Variants in GDPD3 observed in about 807,000 individuals in gnomAD.
The protein encoded by GDPD3 is lysophospholipase D GDPD3.
A neutral mutation model predicts 43.7 loss-of-function variants in GDPD3; 40 were observed. The observed-to-expected ratio is 0.91, with a 90% CI of 0.71 to 1.19. GDPD3 has a LOEUF of 1.19. Ranked by LOEUF, GDPD3 falls within the 50% of genes most tolerant of loss-of-function variation. The pLI is 0.00. For synonymous variants in GDPD3, 145 were observed against 162.9 expected, an observed-to-expected ratio of 0.89 and a Z score of 0.84; for missense variants, 363 against 415.8, an observed-to-expected ratio of 0.87 and a Z score of 1.11.
chr16:30,111,336 CG>C, intron 7 of GDPD3, 51 bp downstream of exon 7: 1 of 1,590,922 alleles, frequency 6.3e-7, no homozygotes, highest in Non-Finnish European at 8.6e-7. Flanking sequence ...TCCTTCTCCA[CG>C]GAGACCCTAA....
In GDPD3 at chr16:30,112,201, G is replaced by T. The variant is rs768605169; in HGVS notation, c.504C>A (p.Arg168=). 6.2e-7 allele frequency: 1 copy of T among 1,614,118 alleles called. No individual in the cohort carries two copies. The highest frequency in any genetic ancestry group is 1.3e-5 in the African/African-American group (1 of 75,006). The change falls in exon 6 of 10, where the codon CGC becomes CGA. Residue 168 remains arginine (R), a synonymous_variant. Transcript: ENST00000406256. The surrounding 1 kb of genome is among the most constrained non-coding windows in gnomAD (Gnocchi z 5.4). ...LIREIAGLVR[R]YDRNEITIWA... is the part of the protein sequence containing the mutation. Reference sequence around the variant, plus strand: ...AGATGGTGATTTCATTACGGTCATAGCGTCTCACCAAGCCTGCTATCTGGG... The same window carrying T: ...AGATGGTGATTTCATTACGGTCATATCGTCTCACCAAGCCTGCTATCTGGG...
intron 7 of GDPD3, among the ~76,000 whole-genome samples, chr16:30,110,031 G>C (rs980311206): frequency 1.3e-5 from 2 of 152,130 alleles, no homozygotes; most frequent in African/African-American, 4.8e-5. Flanking sequence ...GCAAATTACA[G>C]AACCTCTCTG....
chr16:30,108,021 G>A, intron 9 of GDPD3, 192 bp downstream of exon 9: 1 of 528,126 alleles, frequency 1.9e-6, no homozygotes, highest in East Asian at 3.2e-5. Context: ...ACACACAGAA[G>A]AAGAAAATTG....
At position 30,112,972 on chromosome 16, in the gene GDPD3, C is replaced by T. The variant is rs781462726; in HGVS notation, c.182+50G>A. On this transcript the variant is annotated intron_variant, in intron 2 of 9. Coordinates refer to ENST00000406256, the MANE Select transcript of GDPD3 (RefSeq NM_024307.3). This position sits in a 1 kb window ranked among gnomAD's most constrained non-coding sequence, Gnocchi z 5.4. Reference sequence around the variant, plus strand: ...GCGTCCCTTGCTGTGATGCAGTCCACGACCTGCACACCCTCACATGGCAGC... The same window carrying T: ...GCGTCCCTTGCTGTGATGCAGTCCATGACCTGCACACCCTCACATGGCAGC... The T allele has an allele frequency of 1.9e-5, 30 of 1,569,102 alleles. No homozygotes were observed. Among genetic ancestry groups the T allele is most frequent in the East Asian group, 4.5e-5 (2 of 44,600 alleles).
At chr16:30,111,975 G>C (rs1302167346) in intron 6 of GDPD3, 157 bp downstream of exon 6, 19 of 619,844 alleles carry the variant, frequency 3.1e-5, no homozygotes, top group Non-Finnish European at 4.9e-5. Context: ...CTCTGTGTTC[G>C]AGGCCTGAGT....
At position 30,111,378 on chromosome 16, in the gene GDPD3, C is replaced by G. The variant is rs200414967; in HGVS notation, c.707+10G>C. On this transcript the variant is annotated intron_variant, in intron 7 of 9. Transcript: ENST00000406256. ...GGGGAGTTTTTCTGAGGTCCGCCCC[C>G]CACTGGTACCTGTTGATGATGTTGG... 10 of 1,613,508 alleles carry G rather than the reference C, an allele frequency of 6.2e-6. No homozygotes were observed. The East Asian group carries it at 6.7e-5, about 11-fold the overall frequency.
intron 7 of GDPD3, among the ~76,000 whole-genome samples, chr16:30,109,032 C>A (rs56013963): frequency 0.028 from 4,223 of 151,868 alleles, 82 homozygotes; most frequent in Non-Finnish European, 0.039. Flanking sequence ...GGGTTTCACC[C>A]TGTTAGCCAG....
chr16:30,104,917 C>T lies in GDPD3; in HGVS notation c.912G>A (p.Leu304=). The change falls in exon 10 of 10, where the codon CTG becomes CTA. Residue 304 remains leucine, a synonymous_variant. Transcript: ENST00000406256. ...TGVITDYPTA[L]RHYLDNHGPA... ...GTCCATGGTTGTCCAGGTAGTGCCG[C>T]AGGGCTGTGGGATAATCCGTTATGA... 4 of 1,612,712 alleles carry T rather than the reference C, an allele frequency of 2.5e-6. No individual in the cohort carries two copies. Among genetic ancestry groups the T allele is most frequent in the Non-Finnish European group, 3.4e-6 (4 of 1,179,992 alleles).
At chr16:30,108,855 A>G (rs921768358) in intron 7 of GDPD3, among the ~76,000 whole-genome samples, 2 of 150,954 alleles carry the variant, frequency 1.3e-5, no homozygotes, top group Non-Finnish European at 3.0e-5. Context: ...TTTTTGAGAC[A>G]GAGTCTTGCT....
At chr16:30,108,738 C>T (rs892808863) in intron 7 of GDPD3, among the ~76,000 whole-genome samples, 8 of 152,146 alleles carry the variant, frequency 5.3e-5, no homozygotes, top group East Asian at 1.9e-4. Flanking sequence ...GCCAGGGCCT[C>T]GCTTGGTTCC....
intron 9 of GDPD3, 147 bp downstream of exon 9, chr16:30,108,066 G>A: frequency 1.6e-6 from 1 of 619,652 alleles, no homozygotes; most frequent in Admixed American, 2.9e-5. Flanking sequence ...TGTATCCAGA[G>A]AGTTAAATAT....
chr16:30,108,481 C>T, intron 7 of GDPD3, 49 bp from the exon 8 acceptor site: 1 of 1,585,428 alleles, frequency 6.3e-7, no homozygotes. Flanking sequence ...TCCCCTGTCC[C>T]AGAGGTGGGG....
chr16:30,108,463 C>T (rs747808836), intron 7 of GDPD3, 31 bp from the exon 8 acceptor site: 1 of 1,607,584 alleles, frequency 6.2e-7, no homozygotes, highest in Non-Finnish European at 8.5e-7. Flanking sequence ...GGGTTAGCTC[C>T]TAGGGTCTCC....
Position 30,112,092 on chromosome 16 carries a change from TGGA to T in GDPD3, c.573+37_573+39del. The stretch of plus-strand genomic sequence containing the variant: ...TCCAGCTCTGGGGAGGAGGGGCCCC[TGGA>T]GGAGGAAGAGGACGGGGGAGGGGTG... On this transcript the variant is annotated intron_variant, in intron 6 of 9. Coordinates refer to ENST00000406256, the MANE Select transcript of GDPD3 (RefSeq NM_024307.3). The surrounding 1 kb of genome is among the most constrained non-coding windows in gnomAD (Gnocchi z 5.4). The T allele has an allele frequency of 1.3e-6, 2 of 1,523,968 alleles. No homozygotes were observed. Among genetic ancestry groups the T allele is most frequent in the Non-Finnish European group, 1.8e-6 (2 of 1,106,326 alleles). The allele number at this position is 1,523,968 out of a possible 1,614,324, so 94.4% of individuals were successfully genotyped here.
Position 30,112,817 on chromosome 16 carries a change from G to A in GDPD3, c.183-24C>T. The A allele has an allele frequency of 3.7e-6, 6 of 1,602,502 alleles. No homozygotes were observed. The highest frequency in any genetic ancestry group is 1.1e-5 in the South Asian group (1 of 91,008). ...AGCTGTGGGGGTGAAGGTCAGCGGG[G>A]GGCAGGGGCAGGGGACTGGGATGAG... is the stretch of plus-strand genomic sequence containing the variant. On this transcript the variant is annotated intron_variant, in intron 2 of 9. Coordinates refer to ENST00000406256, the MANE Select transcript of GDPD3 (RefSeq NM_024307.3). This position sits in a 1 kb window ranked among gnomAD's most constrained non-coding sequence, Gnocchi z 5.4.
chr16:30,105,882 A>G (rs1269426714), intron 9 of GDPD3, among the ~76,000 whole-genome samples: 1 of 151,354 alleles, frequency 6.6e-6, no homozygotes, highest in Non-Finnish European at 1.5e-5. Context: ...AGGCCGAGGC[A>G]GGCAGATCAA....
intron 7 of GDPD3, among the ~76,000 whole-genome samples, chr16:30,110,324 G>A (rs572613816): frequency 2.0e-5 from 3 of 152,094 alleles, no homozygotes; most frequent in Admixed American, 1.3e-4. Context: ...CCAGCTACTC[G>A]GGAGGCTGAA....
At chr16:30,106,016 C>G (rs899069660) in intron 9 of GDPD3, among the ~76,000 whole-genome samples, 2 of 151,828 alleles carry the variant, frequency 1.3e-5, no homozygotes, top group African/African-American at 4.8e-5. Context: ...AAGGCTGAGG[C>G]AGGAGAATCG....
chr16:30,109,535 G>A (rs1312472741), intron 7 of GDPD3, among the ~76,000 whole-genome samples: 3 of 151,696 alleles, frequency 2.0e-5, no homozygotes, highest in East Asian at 2.0e-4. Flanking sequence ...GGCCGGGCGC[G>A]GTGGTTCACG....
Sources: gnomAD v4.1 joint callset for allele counts (sites outside exome capture counted in the v4.1 genomes callset) on GRCh38, gnomAD v4.1.1 for gene constraint, Gnocchi (gnomAD v3.1) non-coding constraint, MANE v1.5 for transcripts, NCBI Gene and HGNC (gene_info 2026-07-23, HGNC 2026-07-21) for gene names.